POU2F2: variants seen among roughly 807,000 people sequenced by gnomAD.
The protein encoded by POU2F2 is POU domain, class 2, transcription factor 2.
Under a neutral mutation model 63.5 loss-of-function variants are expected in POU2F2, and 14 were observed. That is an observed-to-expected ratio of 0.22 (90% CI 0.15 to 0.34). The LOEUF (loss-of-function observed/expected upper bound fraction) is 0.34, where lower values mean the gene tolerates loss of function less well. Ranked by LOEUF, POU2F2 falls within the 10% of genes least tolerant of loss-of-function variation. The pLI, the probability that POU2F2 is intolerant of heterozygous loss-of-function variation, is 1.00. For synonymous variants in POU2F2, 306 were observed against 348.6 expected (o/e 0.88, Z 1.36); for missense variants, 607 against 815.2 (o/e 0.74, Z 3.11).
intron 2 of POU2F2, among the ~76,000 whole-genome samples, chr19:42,143,806 G>C (rs773396948): frequency 6.6e-6 from 1 of 151,882 alleles, no homozygotes; most frequent in Non-Finnish European, 1.5e-5. Context: ...CCTAAGGCTC[G>C]TCCCCTTACT....
rs1457183091 is a variant in POU2F2, at chr19:42,086,524, T to A, written c.*4733A>T. ...ACCAGAATGGGCTGCGCCAATCAGG[T>A]CTTTACCAAGTAGGGTGGTCACCTT... On this transcript the variant is annotated 3_prime_UTR_variant, in exon 15 of 15. Transcript: ENST00000692977. 1 of 152,032 alleles carries A rather than the reference T, an allele frequency of 6.6e-6. No individual in the cohort carries two copies. The highest frequency in any genetic ancestry group is 1.5e-5 in the Non-Finnish European group (1 of 68,024). The allele number at this position is 152,032 out of a possible 1,614,324, so 9.4% of individuals were successfully genotyped here.
intron 1 of POU2F2, among the ~76,000 whole-genome samples, chr19:42,165,089 C>G (rs553012036): frequency 6.6e-6 from 1 of 152,140 alleles, no homozygotes; most frequent in East Asian, 1.9e-4. Context: ...ATGTGTCACA[C>G]CATTTGTCTG....
chr19:42,094,292 A>C (rs1289303815), intron 11 of POU2F2, among the ~76,000 whole-genome samples: 1 of 152,232 alleles, frequency 6.6e-6, no homozygotes, highest in African/African-American at 2.4e-5. Flanking sequence ...CAAGCAATGC[A>C]GGAGAGACTG....
Position 42,091,319 on chromosome 19 carries a change from C to T in POU2F2, c.1813G>A (p.Glu605Lys). 1 of 1,534,532 alleles carries T rather than the reference C, an allele frequency of 6.5e-7. No homozygotes were observed. ...SSSSSSSTCS[E>K]TAAQTPGGPG... ...CCTCCAGGGGTCTGTGCTGCCGTCTCGCTGCAAGTGGAGGAGGAGGAGGAT... is the reference window on the plus strand; with the variant it reads ...CCTCCAGGGGTCTGTGCTGCCGTCTTGCTGCAAGTGGAGGAGGAGGAGGAT... Residue 605 changes from glutamate to lysine, a missense_variant, in exon 15 of 15, where the codon GAG becomes AAG. This residue lies in a region of POU2F2 where 270 missense variants were observed against 307.5 expected (regional missense o/e 0.88). Coordinates refer to ENST00000692977, the MANE Select transcript of POU2F2 (RefSeq NM_001394376.1).
chr19:42,121,001 C>T (rs981590503), intron 4 of POU2F2, among the ~76,000 whole-genome samples: 2 of 152,088 alleles, frequency 1.3e-5, no homozygotes, highest in Admixed American at 6.6e-5. Flanking sequence ...AGAAACAGGG[C>T]GTACAGGGCG....
At chr19:42,177,022 G>A (rs1230211145), upstream of POU2F2, 2 of 151,806 alleles carry the variant, frequency 1.3e-5, no homozygotes, top group African/African-American at 4.8e-5. Flanking sequence ...GCGCGGGCGG[G>A]CGGGCGGGCA....
chr19:42,111,899 C>T (rs1179270428), intron 5 of POU2F2, among the ~76,000 whole-genome samples: 1 of 152,158 alleles, frequency 6.6e-6, no homozygotes, highest in Non-Finnish European at 1.5e-5. Flanking sequence ...GAGGAGTGGC[C>T]GTTCTCCAGT....
At chr19:42,171,942 A>C (rs529877522) in intron 1 of POU2F2, among the ~76,000 whole-genome samples, 5 of 152,162 alleles carry the variant, frequency 3.3e-5, no homozygotes, top group African/African-American at 1.2e-4. Context: ...CACGAGATGC[A>C]TGTGTATATG....
chr19:42,099,958 C>CTGAATG, intron 5 of POU2F2, 137 bp from the exon 6 acceptor site: 4 of 687,546 alleles, frequency 5.8e-6, no homozygotes, highest in Non-Finnish European at 5.0e-6. Flanking sequence ...AGTGAGGGAT[C>CTGAATG]GTCCACTCGG....
At chr19:42,142,589 G>T (rs2034151021) in intron 2 of POU2F2, among the ~76,000 whole-genome samples, 1 of 149,728 alleles carries the variant, frequency 6.7e-6, no homozygotes. Flanking sequence ...TTGAGACAGG[G>T]TCGTCTCACT....
At chr19:42,097,453 T>A (rs1447988433) in intron 7 of POU2F2, among the ~76,000 whole-genome samples, 2 of 151,488 alleles carry the variant, frequency 1.3e-5, no homozygotes, top group African/African-American at 4.8e-5. Context: ...CGCTTTGGCC[T>A]CCCAAAGTGC....
Position 42,091,606 on chromosome 19 carries a change from G to C in POU2F2, c.1541-15C>G. 5.8e-6 allele frequency: 9 copies of C among 1,541,596 alleles called. No homozygotes were observed. The highest frequency in any genetic ancestry group is 7.9e-6 in the Non-Finnish European group (9 of 1,140,724). On this transcript the variant is annotated splice_polypyrimidine_tract_variant and intron_variant, in intron 14 of 14. Transcript: ENST00000692977. ...AGAGGCCAGGGCTGGCGGGGAGAGA[G>C]AGAGGCTGGGCTAAGGGCATGCCGG... is the stretch of plus-strand genomic sequence containing the variant.
chr19:42,147,742 T>C (rs2034260380), intron 2 of POU2F2, among the ~76,000 whole-genome samples: 4 of 152,124 alleles, frequency 2.6e-5, no homozygotes, highest in Admixed American at 2.6e-4. Flanking sequence ...ATCCAAATAG[T>C]CAATGAATAT....
intron 1 of POU2F2, among the ~76,000 whole-genome samples, chr19:42,160,805 T>G (rs2034538418): frequency 6.6e-6 from 1 of 152,136 alleles, no homozygotes; most frequent in Non-Finnish European, 1.5e-5. Flanking sequence ...ATTAACTGAT[T>G]AAATGGTGTA....
Position 42,096,121 on chromosome 19 carries a change from G to A in POU2F2, c.690C>T (p.Arg230=), listed in dbSNP as rs1236072521. 15 of 1,613,806 alleles carry A rather than the reference G, an allele frequency of 9.3e-6. No individual in the cohort carries two copies. Among genetic ancestry groups the A allele is most frequent in the Non-Finnish European group, 1.2e-5 (14 of 1,179,844 alleles). The change falls in exon 8 of 15, where the codon CGC becomes CGT. Residue 230 remains arginine (R), a synonymous_variant. Transcript: ENST00000692977. The surrounding 1 kb of genome is among the most constrained non-coding windows in gnomAD (Gnocchi z 4.1). ...GCTTGATGCGGCGTTGCTTGAAGGT[G>A]CGGGCGAATTGCTCCAGCTCCTCCA... ...SDLEELEQFA[R]TFKQRRIKLG...
intron 2 of POU2F2, among the ~76,000 whole-genome samples, chr19:42,138,214 G>A (rs1409842090): frequency 1.3e-5 from 2 of 152,230 alleles, no homozygotes; most frequent in African/African-American, 4.8e-5. Context: ...ATCAGGTGAT[G>A]ATGACAGGAA....
At chr19:42,118,225 A>G (rs2032169461) in intron 4 of POU2F2, among the ~76,000 whole-genome samples, 1 of 152,238 alleles carries the variant, frequency 6.6e-6, no homozygotes, top group Admixed American at 6.5e-5. Flanking sequence ...GCACCTAGCC[A>G]GGTACATCCC....
At chr19:42,093,726 C>T in intron 12 of POU2F2, 103 bp downstream of exon 12, 1 of 1,204,294 alleles carries the variant, frequency 8.3e-7, no homozygotes, top group Non-Finnish European at 1.2e-6. Context: ...TCCCCAGGCC[C>T]AGTCTTGAGG....
At chr19:42,110,486 GT>G (rs905877819) in intron 5 of POU2F2, 30 of 185,428 alleles carry the variant, frequency 1.6e-4, no homozygotes, top group Middle Eastern at 4.8e-3. Context: ...GGTTAGACTA[GT>G]GGGGTGCAAG....
Sources: gnomAD v4.1 joint callset for allele counts (sites outside exome capture counted in the v4.1 genomes callset) on GRCh38, gnomAD v4.1.1 for gene constraint, gnomAD v4.1.1 regional missense constraint, Gnocchi (gnomAD v3.1) non-coding constraint, MANE v1.5 for transcripts, NCBI Gene and HGNC (gene_info 2026-07-23, HGNC 2026-07-21) for gene names.